Variants in UBE4B observed in about 807,000 individuals in gnomAD.
UBE4B encodes the protein ubiquitin conjugation factor E4 B.
In UBE4B, 27 loss-of-function variants were observed where a neutral mutation model predicts 148.1. The observed-to-expected ratio is 0.18, with a 90% CI of 0.13 to 0.25. The LOEUF (loss-of-function observed/expected upper bound fraction) is 0.25. Ranked by LOEUF, UBE4B falls within the 10% of genes least tolerant of loss-of-function variation. UBE4B has a pLI of 1.00. For missense variants in UBE4B, 1,170 were observed against 1,662.4 expected (o/e 0.70, Z 5.15); for synonymous variants, 596 against 619.3 (o/e 0.96, Z 0.56).
At chr1:10,138,211 T>C (rs1226338584) in intron 17 of UBE4B, among the ~76,000 whole-genome samples, 1 of 151,692 alleles carries the variant, frequency 6.6e-6, no homozygotes, top group Admixed American at 6.6e-5. Flanking sequence ...AATTCTCCTG[T>C]CTCAGTCTCC....
chr1:10,054,519 G>A (rs1644122057), intron 1 of UBE4B: 1 of 369,724 alleles, frequency 2.7e-6, no homozygotes, highest in Non-Finnish European at 5.2e-6. Context: ...TGCTTCTCTG[G>A]TACCTTTCTC....
At chr1:10,056,265 G>T (rs557913766) in intron 1 of UBE4B, among the ~76,000 whole-genome samples, 2 of 152,066 alleles carry the variant, frequency 1.3e-5, no homozygotes, top group Admixed American at 6.6e-5. Flanking sequence ...GTACACACTC[G>T]TATTATTTAG....
intron 1 of UBE4B, among the ~76,000 whole-genome samples, chr1:10,041,586 C>T (rs191623163): frequency 2.0e-5 from 3 of 152,116 alleles, no homozygotes; most frequent in Admixed American, 6.6e-5. Flanking sequence ...CCCCCCGCCT[C>T]GGCCTTCCAA....
intron 1 of UBE4B, among the ~76,000 whole-genome samples, chr1:10,060,597 C>G (rs1259290561): frequency 6.6e-6 from 1 of 151,884 alleles, no homozygotes; most frequent in African/African-American, 2.4e-5. Flanking sequence ...TTTACCAAAA[C>G]AAAACAAAAG....
At chr1:10,129,966 T>C (rs1360046494) in intron 12 of UBE4B, among the ~76,000 whole-genome samples, 2 of 152,034 alleles carry the variant, frequency 1.3e-5, no homozygotes, top group East Asian at 1.9e-4. Context: ...TTTTTTCCCT[T>C]GACAAGTATT....
chr1:10,139,114 G>C (rs914238620), intron 17 of UBE4B, among the ~76,000 whole-genome samples: 1 of 152,200 alleles, frequency 6.6e-6, no homozygotes, highest in Non-Finnish European at 1.5e-5. Flanking sequence ...AGAAACTGGG[G>C]GCTGGGCACA....
chr1:10,080,041 A>G (rs1257557633), intron 2 of UBE4B, among the ~76,000 whole-genome samples: 1 of 152,130 alleles, frequency 6.6e-6, no homozygotes, highest in African/African-American at 2.4e-5. Context: ...CTTGACAGAG[A>G]ACAGCCACAA....
In UBE4B at chr1:10,151,374, G is replaced by C. The variant is rs1241379901; in HGVS notation, c.2739G>C (p.Met913Ile). The C allele has an allele frequency of 6.2e-7, 1 of 1,614,066 alleles. No individual in the cohort carries two copies. Among genetic ancestry groups the C allele is most frequent in the South Asian group, 1.1e-5 (1 of 91,074 alleles). The change falls in exon 21 of 28, where the codon ATG becomes ATC. Residue 913 changes from methionine (M) to isoleucine (I), a missense_variant. Met to Ile is a conservative substitution (Grantham distance 10). Coordinates refer to ENST00000343090, the MANE Select transcript of UBE4B (RefSeq NM_001105562.3). ...LYEPCTQDIV[M>I]FLVVMLCNQN... ...AGCCCTGTACTCAGGATATTGTGAT[G>C]TTCCTTGTTGTGATGTTGTGCAACC... is the stretch of plus-strand genomic sequence containing the variant.
chr1:10,044,281 C>A (rs1322320427), intron 1 of UBE4B, among the ~76,000 whole-genome samples: 1 of 151,870 alleles, frequency 6.6e-6, no homozygotes, highest in African/African-American at 2.4e-5. Context: ...TCTTGAACTC[C>A]TGACCTCAAA....
At chr1:10,094,522 C>G (rs1227926219) in intron 2 of UBE4B, among the ~76,000 whole-genome samples, 3 of 151,784 alleles carry the variant, frequency 2.0e-5, no homozygotes, top group Non-Finnish European at 4.4e-5. Flanking sequence ...CAACCTCCGC[C>G]TCCCGGGTTC....
intron 1 of UBE4B, among the ~76,000 whole-genome samples, chr1:10,035,251 C>T (rs545828470): frequency 7.9e-5 from 12 of 152,092 alleles, no homozygotes; most frequent in Admixed American, 7.2e-4. Flanking sequence ...CCCGCCTCAG[C>T]CTCCCAAAGT....
intron 19 of UBE4B, 115 bp from the exon 20 acceptor site, chr1:10,149,069 A>G: frequency 2.8e-6 from 2 of 720,244 alleles, no homozygotes; most frequent in South Asian, 2.1e-5. Context: ...ACATAGTATT[A>G]CAGAATGATT....
rs140009702 is a variant in UBE4B at position 10,108,161 on chromosome 1, G to T, written c.1196+1578G>T. Among the ~76,000 whole-genome samples the T allele has an allele frequency of 4.5e-3, 689 of 152,106 alleles. 3 individuals carry two copies. Among genetic ancestry groups the T allele is most frequent in the Middle Eastern group, 0.01 (3 of 292 alleles). On this transcript the variant is annotated intron_variant, in intron 7 of 27. Transcript: ENST00000343090. Reference sequence around the variant, plus strand: ...ATTTGGGGGAGGTGTGTGTGTGTGTGTGTGTGCGTGCGTGCTCCCTTCCCA... The same window carrying T: ...ATTTGGGGGAGGTGTGTGTGTGTGTTTGTGTGCGTGCGTGCTCCCTTCCCA...
At chr1:10,149,372 T>C in intron 20 of UBE4B, 90 bp downstream of exon 20, 2 of 1,049,544 alleles carry the variant, frequency 1.9e-6, no homozygotes, top group East Asian at 2.7e-5. Flanking sequence ...CTCCATTTCA[T>C]GCCTGAAATT....
chr1:10,060,443 C>T (rs1257135326), intron 1 of UBE4B, among the ~76,000 whole-genome samples: 7 of 151,962 alleles, frequency 4.6e-5, no homozygotes, highest in South Asian at 2.1e-4. Context: ...ATAATCTTAC[C>T]GGACCACCAG....
chr1:10,107,329 G>T, intron 7 of UBE4B: 3 of 1,288,330 alleles, frequency 2.3e-6, no homozygotes, highest in Non-Finnish European at 3.0e-6. Context: ...GATGATGAAG[G>T]TGGTGGTGGT....
At chr1:10,065,048 C>T (rs1397028325) in intron 1 of UBE4B, among the ~76,000 whole-genome samples, 1 of 152,150 alleles carries the variant, frequency 6.6e-6, no homozygotes, top group African/African-American at 2.4e-5. Context: ...AAGGTGTGAG[C>T]CACCGCGCCT....
chr1:10,040,202 G>T (rs1019241400), intron 1 of UBE4B, among the ~76,000 whole-genome samples: 19 of 151,446 alleles, frequency 1.3e-4, no homozygotes, highest in African/African-American at 4.6e-4. Flanking sequence ...TCAGCTCACT[G>T]CAACCTCTGC....
intron 7 of UBE4B, 88 bp from the exon 8 acceptor site, chr1:10,117,371 C>G: frequency 6.4e-7 from 1 of 1,568,408 alleles, no homozygotes; most frequent in South Asian, 1.1e-5. Context: ...GTACAGGGAT[C>G]CTAACAGGCT....
Sources: allele counts gnomAD v4.1 joint callset (sites outside exome capture counted in the v4.1 genomes callset), GRCh38; gene constraint gnomAD v4.1.1; transcripts MANE v1.5; gene names NCBI Gene and HGNC (gene_info 2026-07-23, HGNC 2026-07-21).